The following DGKB variants were observed in gnomAD, a reference collection of about 807,000 sequenced individuals.
DGKB encodes the protein 90 kDa diacylglycerol kinase.
DGKB carries 67 observed loss-of-function variants against 114.3 expected under a neutral mutation model. That is an observed-to-expected ratio of 0.59 (90% confidence interval 0.48 to 0.72). The LOEUF is 0.72. Ranked by LOEUF, DGKB falls within the 30% of genes least tolerant of loss-of-function variation. The probability of loss-of-function intolerance (pLI) is 0.00; values close to 1 mark genes in which losing one functional copy is unlikely to be tolerated. For synonymous variants in DGKB, 398 were observed against 323.1 expected, an observed-to-expected ratio of 1.23 and a Z score of -2.49; for missense variants, 907 against 975.2, an observed-to-expected ratio of 0.93 and a Z score of 0.93.
At chr7:14,797,795 T>G (rs1206552541) in intron 2 of DGKB, among the ~76,000 whole-genome samples, 1 of 151,542 alleles carries the variant, frequency 6.6e-6, no homozygotes, top group Non-Finnish European at 1.5e-5. Flanking sequence ...TGGGAGGGAG[T>G]GGTGCTCAGT....
intron 13 of DGKB, among the ~76,000 whole-genome samples, chr7:14,663,205 T>A (rs1348624782): frequency 6.6e-6 from 1 of 152,036 alleles, no homozygotes; most frequent in African/African-American, 2.4e-5. Flanking sequence ...TTTGGCTGAA[T>A]CTTAACAAAG....
intron 13 of DGKB, among the ~76,000 whole-genome samples, chr7:14,662,884 G>T (rs1399053665): frequency 2.6e-5 from 4 of 151,332 alleles, no homozygotes; most frequent in Non-Finnish European, 5.9e-5. Context: ...TTAAAATTTT[G>T]TATGATTACA....
In DGKB at chr7:14,186,686, A is replaced by G. The variant is rs113646900; in HGVS notation, c.2123-8535T>C. On this transcript the variant is annotated intron_variant, in intron 23 of 25. Transcript: ENST00000402815. ...ATATATTCAATGTAATACTACACAGACATAAAAAAGAATGAATTAACAGCA... is the reference window on the plus strand; with the variant it reads ...ATATATTCAATGTAATACTACACAGGCATAAAAAAGAATGAATTAACAGCA... 1.2e-3 allele frequency among the ~76,000 whole-genome samples: 176 copies of G among 152,346 alleles called. 1 individual carries two copies. The highest frequency in any genetic ancestry group is 6.8e-3 in the Middle Eastern group (2 of 294).
chr7:14,921,160 G>A (rs1784493747), intron 1 of DGKB, among the ~76,000 whole-genome samples: 1 of 152,118 alleles, frequency 6.6e-6, no homozygotes. Context: ...GTGGTTTCCA[G>A]AGGTTTTGGA....
intron 21 of DGKB, among the ~76,000 whole-genome samples, chr7:14,453,047 C>T (rs181772413): frequency 8.0e-4 from 122 of 152,258 alleles, no homozygotes; most frequent in Non-Finnish European, 2.6e-4. Context: ...ATGGAAATAG[C>T]AATGGCTTAC....
rs572545258 is a variant in DGKB at position 14,301,714 on chromosome 7, T to C, written c.2122+36801A>G. On this transcript the variant is annotated intron_variant, in intron 23 of 25. Coordinates refer to ENST00000402815, the MANE Select transcript of DGKB (RefSeq NM_001350709.2). ...GTACACACACACACATACACACACATTTGAAGGCTTAGAAGACTAATAAGA... is the reference window on the plus strand; with the variant it reads ...GTACACACACACACATACACACACACTTGAAGGCTTAGAAGACTAATAAGA... 6.6e-5 allele frequency among the ~76,000 whole-genome samples: 10 copies of C among 152,166 alleles called. No homozygotes were observed. In the East Asian group the frequency reaches 1.9e-3, roughly 29 times the overall value.
chr7:14,714,050 T>A (rs1294076389), intron 6 of DGKB, among the ~76,000 whole-genome samples: 1 of 150,096 alleles, frequency 6.7e-6, no homozygotes, highest in East Asian at 2.0e-4. Flanking sequence ...CATTTAACTA[T>A]CATTTATTGA....
At chr7:14,684,645 A>C (rs1484147048) in intron 10 of DGKB, among the ~76,000 whole-genome samples, 1 of 152,168 alleles carries the variant, frequency 6.6e-6, no homozygotes, top group Non-Finnish European at 1.5e-5. Flanking sequence ...GGGTGAACTG[A>C]AATTTTTAAA....
At chr7:14,472,974 C>T (rs191049990) in intron 21 of DGKB, among the ~76,000 whole-genome samples, 38 of 152,136 alleles carry the variant, frequency 2.5e-4, no homozygotes, top group South Asian at 8.3e-4. Context: ...CATAAAAGTT[C>T]GGAAAATTTG....
At chr7:14,196,976 A>G (rs1419308575) in intron 23 of DGKB, among the ~76,000 whole-genome samples, 1 of 152,134 alleles carries the variant, frequency 6.6e-6, no homozygotes, top group East Asian at 1.9e-4. Flanking sequence ...GACTAATCGT[A>G]GTGTGAAAAG....
chr7:14,703,985 G>C (rs941868804), intron 6 of DGKB, among the ~76,000 whole-genome samples: 2 of 152,040 alleles, frequency 1.3e-5, no homozygotes, highest in African/African-American at 4.8e-5. Flanking sequence ...ACACACCAAT[G>C]TAACTATTAC....
Position 14,437,863 on chromosome 7 carries a change from G to T in DGKB, c.1835+40298C>A, listed in dbSNP as rs191250186. ...TCTAGAGAAAGCTTTTTAAAGACAGGACTTATTGGTCTTTACATAACTGAA... is the reference window on the plus strand; with the variant it reads ...TCTAGAGAAAGCTTTTTAAAGACAGTACTTATTGGTCTTTACATAACTGAA... On this transcript the variant is annotated intron_variant, in intron 21 of 25. Transcript: ENST00000402815. 1.4e-3 allele frequency among the ~76,000 whole-genome samples: 214 copies of T among 150,798 alleles called. 1 individual carries two copies. In the Admixed American group the frequency reaches 0.014, roughly 10 times the overall value.
intron 13 of DGKB, among the ~76,000 whole-genome samples, chr7:14,647,284 C>T (rs760225202): frequency 1.3e-5 from 2 of 151,962 alleles, no homozygotes; most frequent in Non-Finnish European, 2.9e-5. Context: ...TCTGAACAGA[C>T]CAATTACAAG....
intron 15 of DGKB, among the ~76,000 whole-genome samples, chr7:14,614,161 G>C (rs1042075759): frequency 1.3e-5 from 2 of 152,082 alleles, no homozygotes; most frequent in African/African-American, 4.8e-5. Context: ...TATTATAGTG[G>C]AGAAATATAC....
chr7:14,369,265 G>C (rs1316363116), intron 21 of DGKB, among the ~76,000 whole-genome samples: 1 of 152,014 alleles, frequency 6.6e-6, no homozygotes, highest in South Asian at 2.1e-4. Flanking sequence ...CTTTTTCGTG[G>C]CTGCATAGTA....
chr7:14,648,870 C>T (rs377321037), intron 13 of DGKB, among the ~76,000 whole-genome samples: 22 of 132,936 alleles, frequency 1.7e-4, no homozygotes, highest in East Asian at 4.3e-4. Flanking sequence ...GGAGCTGATG[C>T]GATCAACTGG....
At chr7:14,414,008 C>A (rs543929081) in intron 21 of DGKB, among the ~76,000 whole-genome samples, 10 of 151,968 alleles carry the variant, frequency 6.6e-5, no homozygotes. Flanking sequence ...AATATTTATG[C>A]GGTTTTAACA....
intron 13 of DGKB, among the ~76,000 whole-genome samples, chr7:14,659,979 T>C (rs1358245352): frequency 1.3e-5 from 2 of 151,408 alleles, no homozygotes; most frequent in Admixed American, 1.3e-4. Flanking sequence ...TTTCTGCATC[T>C]ATTGAGATAA....
chr7:14,446,647 T>C (rs950290365), intron 21 of DGKB, among the ~76,000 whole-genome samples: 1 of 152,186 alleles, frequency 6.6e-6, no homozygotes, highest in Non-Finnish European at 1.5e-5. Flanking sequence ...CTCTAAGTTT[T>C]CCTCTTACTT....
Sources: allele counts gnomAD v4.1 joint callset (sites outside exome capture counted in the v4.1 genomes callset), GRCh38; gene constraint gnomAD v4.1.1; transcripts MANE v1.5; gene names NCBI Gene and HGNC (gene_info 2026-07-23, HGNC 2026-07-21).